The following MYH13 variants were observed in gnomAD, a reference collection of about 807,000 sequenced individuals.
MYH13 encodes myosin heavy chain 13, also known as myosin-13.
Under a neutral mutation model 232.1 loss-of-function variants are expected in MYH13, and 177 were observed. That is an observed-to-expected ratio of 0.76 (90% CI 0.67 to 0.86). The LOEUF (loss-of-function observed/expected upper bound fraction) is 0.86, where lower values mean the gene tolerates loss of function less well. Ranked by LOEUF, MYH13 falls within the 40% of genes least tolerant of loss-of-function variation. MYH13 has a pLI of 0.00. For synonymous variants in MYH13, 884 were observed against 923.5 expected, an observed-to-expected ratio of 0.96 and a Z score of 0.78; for missense variants, 2,246 against 2,405.9, an observed-to-expected ratio of 0.93 and a Z score of 1.39.
intron 29 of MYH13, among the ~76,000 whole-genome samples, chr17:10,314,176 T>C (rs1424409915): frequency 3.9e-5 from 6 of 152,154 alleles, no homozygotes; most frequent in Admixed American, 2.6e-4. Flanking sequence ...TCCTAGCAGT[T>C]TGGGAGGCCG....
intron 39 of MYH13, 62 bp from the exon 40 acceptor site, chr17:10,301,765 C>T: frequency 6.3e-7 from 1 of 1,584,284 alleles, no homozygotes. Flanking sequence ...ATGAGGTGCC[C>T]TGTCTCTGAA....
chr17:10,332,966 C>G, intron 19 of MYH13, 108 bp downstream of exon 19: 1 of 894,756 alleles, frequency 1.1e-6, no homozygotes, highest in Non-Finnish European at 1.8e-6. Context: ...TCTGTGGAAA[C>G]TCTGGGGGAC....
intron 18 of MYH13, among the ~76,000 whole-genome samples, chr17:10,335,141 C>G (rs1339105071): frequency 6.6e-6 from 1 of 152,174 alleles, no homozygotes. Flanking sequence ...CTTTTGAGCT[C>G]CAACCTGATG....
At chr17:10,309,950 T>G in intron 33 of MYH13, 120 bp from the exon 34 acceptor site, 3 of 869,740 alleles carry the variant, frequency 3.4e-6, no homozygotes, top group Non-Finnish European at 3.2e-6. Context: ...ATTTAAATTT[T>G]TTTTTTTTTT....
At chr17:10,370,636 G>T (rs1202328117) in intron 2 of MYH13, among the ~76,000 whole-genome samples, 2 of 152,082 alleles carry the variant, frequency 1.3e-5, no homozygotes, top group East Asian at 1.9e-4. Context: ...TCCCTCTCCT[G>T]GGAATTTCAC....
At chr17:10,320,029 G>T in intron 26 of MYH13, 124 bp downstream of exon 26, 1 of 718,532 alleles carries the variant, frequency 1.4e-6, no homozygotes, top group African/African-American at 1.8e-5. Context: ...GGAAATGACA[G>T]GACATCTTCT....
At chr17:10,355,312 T>A (rs2071740942) in intron 8 of MYH13, among the ~76,000 whole-genome samples, 165 bp from the exon 9 acceptor site, 1 of 152,192 alleles carries the variant, frequency 6.6e-6, no homozygotes, top group Non-Finnish European at 1.5e-5. Context: ...TTTGGAATGC[T>A]GTGAGGAGGA....
At position 10,309,488 on chromosome 17, in the gene MYH13, C is replaced by T. The variant is rs2277643; in HGVS notation, c.4965+34G>A. 1,799 of 1,600,890 alleles carry T rather than the reference C, an allele frequency of 1.1e-3. 32 individuals are homozygous for T. In the East Asian group the frequency reaches 0.033, roughly 30 times the overall value. On this transcript the variant is annotated intron_variant, in intron 34 of 40. Transcript: ENST00000252172. Reference sequence around the variant, plus strand: ...CAGAGCCGCCTGGCAGGCTGGGGCCCGTCCAGGTACGCAGAGGCGGCCACC... The same window carrying T: ...CAGAGCCGCCTGGCAGGCTGGGGCCTGTCCAGGTACGCAGAGGCGGCCACC...
At chr17:10,355,470 G>T (rs61526459) in intron 8 of MYH13, among the ~76,000 whole-genome samples, 1 of 152,034 alleles carries the variant, frequency 6.6e-6, no homozygotes, top group South Asian at 2.1e-4. Flanking sequence ...AATTCTGTCC[G>T]TAAACAAACA....
At chr17:10,344,248 T>G in intron 15 of MYH13, 139 bp from the exon 16 acceptor site, 1 of 1,294,860 alleles carries the variant, frequency 7.7e-7, no homozygotes. Flanking sequence ...AGCAAGACTC[T>G]TGGTCTGTTT....
At chr17:10,302,412 G>A (rs1406564354) in intron 39 of MYH13, among the ~76,000 whole-genome samples, 1 of 152,178 alleles carries the variant, frequency 6.6e-6, no homozygotes, top group Non-Finnish European at 1.5e-5. Flanking sequence ...AATGAAGAGT[G>A]AGAAATGGTA....
Position 10,312,718 on chromosome 17 carries a change from G to A in MYH13, c.4221C>T (p.Asn1407=), listed in dbSNP as rs1906552278. The A allele has an allele frequency of 4.3e-6, 7 of 1,613,548 alleles. No homozygotes were observed. Among genetic ancestry groups the A allele is most frequent in the Non-Finnish European group, 5.9e-6 (7 of 1,179,804 alleles). Residue 1407 remains asparagine, a synonymous_variant, in exon 31 of 41, where the codon AAC becomes AAT. Transcript: ENST00000252172. ...LAQRLQEAEE[N]TETANSKCAS... ...CGCACTTGGAGTTCGCCGTCTCCGT[G>A]TTCTCCTCTGCTTCCTGGAGCCTCT...
At chr17:10,302,774 C>G (rs897009102) in intron 39 of MYH13, among the ~76,000 whole-genome samples, 1 of 151,784 alleles carries the variant, frequency 6.6e-6, no homozygotes, top group African/African-American at 2.4e-5. Context: ...CTGGAGATGC[C>G]TAGGAGGGTG....
In MYH13 at chr17:10,333,185, A is replaced by G. The variant is rs1302443859; in HGVS notation, c.2063T>C (p.Met688Thr). The change falls in exon 19 of 41, where the codon ATG (methionine) becomes ACG (threonine). Residue 688 changes from methionine (M) to threonine (T), a missense_variant. Physicochemically the swap from Met to Thr is moderately conservative, Grantham distance 81. Transcript: ENST00000252172. ...CTGGTGCATGACCAAGTAGTGGTCCATCACACCTGGAGAGAGAACGTCCCG... is the reference window on the plus strand; with the variant it reads ...CTGGTGCATGACCAAGTAGTGGTCCGTCACACCTGGAGAGAGAACGTCCCG... ...IPNETKTPGV[M>T]DHYLVMHQLR... 1.3e-6 allele frequency: 2 copies of G among 1,546,338 alleles called. No individual in the cohort carries two copies. The highest frequency in any genetic ancestry group is 8.8e-7 in the Non-Finnish European group (1 of 1,142,138).
intron 8 of MYH13, among the ~76,000 whole-genome samples, chr17:10,356,515 A>G (rs1205639074): frequency 6.6e-6 from 1 of 152,162 alleles, no homozygotes. Context: ...TGGGTAACAT[A>G]CCTCTGCCAT....
At chr17:10,354,284 A>G (rs1388560731) in intron 11 of MYH13, among the ~76,000 whole-genome samples, 1 of 152,234 alleles carries the variant, frequency 6.6e-6, no homozygotes, top group East Asian at 1.9e-4. Flanking sequence ...AGAGGCTATT[A>G]CAGAGTGGGC....
At chr17:10,361,546 G>A (rs565258365) in intron 5 of MYH13, among the ~76,000 whole-genome samples, 3 of 152,150 alleles carry the variant, frequency 2.0e-5, no homozygotes, top group South Asian at 2.1e-4. Flanking sequence ...CACCTGCCTC[G>A]GCCTCCCAAA....
chr17:10,362,351 G>A lies in MYH13; in HGVS notation c.348+9C>T. 6.2e-7 allele frequency: 1 copy of A among 1,614,152 alleles called. No individual in the cohort carries two copies. The highest frequency in any genetic ancestry group is 8.5e-7 in the Non-Finnish European group (1 of 1,180,034). ...GACATGAAATAAAAAGGTGTTTACAGACACTCACGTAGATCATCCAGGCTG... is the reference window on the plus strand; with the variant it reads ...GACATGAAATAAAAAGGTGTTTACAAACACTCACGTAGATCATCCAGGCTG... On this transcript the variant is annotated intron_variant, in intron 4 of 40. Transcript: ENST00000252172.
chr17:10,328,681 T>G (rs1055475444), intron 21 of MYH13, among the ~76,000 whole-genome samples: 1 of 44,072 alleles, frequency 2.3e-5, no homozygotes, highest in Non-Finnish European at 1.1e-4. Flanking sequence ...TCTATTCGTT[T>G]TTTTTTTTTT....
Sources: gnomAD v4.1 joint callset for allele counts (sites outside exome capture counted in the v4.1 genomes callset) on GRCh38, gnomAD v4.1.1 for gene constraint, MANE v1.5 for transcripts, NCBI Gene and HGNC (gene_info 2026-07-23, HGNC 2026-07-21) for gene names.